The following PDE7B variants were observed in gnomAD, a reference collection of about 807,000 sequenced individuals.
PDE7B encodes 3',5'-cyclic-AMP phosphodiesterase 7B.
PDE7B carries 29 observed loss-of-function variants against 56.2 expected under a neutral mutation model. The ratio of observed to expected loss-of-function variants is 0.52; its 90% CI spans 0.38 to 0.70. The LOEUF is 0.70. PDE7B is among the 30% of genes least tolerant of loss of function. The pLI is 0.00. For synonymous variants in PDE7B, 197 were observed against 196.9 expected, an observed-to-expected ratio of 1.00 and a Z score of 0.00; for missense variants, 490 against 565.0, an observed-to-expected ratio of 0.87 and a Z score of 1.35.
rs566053949 is a variant in PDE7B, at chr6:135,977,099, G to A, written c.82+29575G>A. On this transcript the variant is annotated intron_variant, in intron 2 of 12. Coordinates refer to ENST00000308191, the MANE Select transcript of PDE7B (RefSeq NM_018945.4). ...GTGAGATGAGACCAGCCAAGCAGAA[G>A]CATTGGCCCTTTATAGCAAGAAGCC... 6.3e-4 allele frequency among the ~76,000 whole-genome samples: 96 copies of A among 152,238 alleles called. 1 individual carries two copies. The highest frequency in any genetic ancestry group is 1.9e-4 in the Non-Finnish European group (13 of 68,010).
At chr6:135,935,727 G>A (rs148093623) in intron 1 of PDE7B, among the ~76,000 whole-genome samples, 224 of 152,316 alleles carry the variant, frequency 1.5e-3, no homozygotes, top group Non-Finnish European at 2.4e-3. Flanking sequence ...ATGACTGTTA[G>A]CAAAATACAC....
At chr6:136,024,764 G>A (rs1583834507) in intron 2 of PDE7B, among the ~76,000 whole-genome samples, 1 of 152,136 alleles carries the variant, frequency 6.6e-6, no homozygotes, top group Admixed American at 6.5e-5. Flanking sequence ...AAGCAGTTTT[G>A]TTTTGTTGTA....
intron 2 of PDE7B, among the ~76,000 whole-genome samples, chr6:136,036,676 G>A (rs1776330003): frequency 6.6e-6 from 1 of 152,108 alleles, no homozygotes; most frequent in Non-Finnish European, 1.5e-5. Context: ...CTCCCATGAA[G>A]AAATATCAAA....
At chr6:136,179,448 C>T (rs554292676) in intron 10 of PDE7B, among the ~76,000 whole-genome samples, 2 of 152,246 alleles carry the variant, frequency 1.3e-5, no homozygotes, top group South Asian at 4.2e-4. Flanking sequence ...AGAGCAGTGA[C>T]CTATTTTAGT....
At chr6:135,973,032 G>A (rs560597900) in intron 2 of PDE7B, among the ~76,000 whole-genome samples, 38 of 152,258 alleles carry the variant, frequency 2.5e-4, no homozygotes, top group African/African-American at 7.0e-4. Flanking sequence ...TGTATATACA[G>A]CATTATTGAC....
At chr6:135,928,473 A>ATATATATT (rs1562442865) in intron 1 of PDE7B, among the ~76,000 whole-genome samples, 99 of 114,318 alleles carry the variant, frequency 8.7e-4, no homozygotes, top group Non-Finnish European at 1.5e-3. Flanking sequence ...ATTTATTTAT[A>ATATATATT]TATATATATT....
chr6:136,124,653 GA>G (rs1777991292), intron 3 of PDE7B, among the ~76,000 whole-genome samples: 1 of 152,110 alleles, frequency 6.6e-6, no homozygotes, highest in South Asian at 2.1e-4. Flanking sequence ...GTTCCACAAG[GA>G]AAAGGACTTT....
chr6:136,048,389 G>A (rs1453055844), intron 2 of PDE7B, among the ~76,000 whole-genome samples: 1 of 152,096 alleles, frequency 6.6e-6, no homozygotes, highest in Non-Finnish European at 1.5e-5. Flanking sequence ...AGGCGTGGTG[G>A]TGGGTGCCTG....
At chr6:135,969,179 A>C (rs1775050279) in intron 2 of PDE7B, among the ~76,000 whole-genome samples, 2 of 152,110 alleles carry the variant, frequency 1.3e-5, no homozygotes, top group African/African-American at 4.8e-5. Flanking sequence ...GGAGATCATC[A>C]GGATAAACAG....
At chr6:135,949,489 C>T (rs1774658656) in intron 2 of PDE7B, among the ~76,000 whole-genome samples, 1 of 152,026 alleles carries the variant, frequency 6.6e-6, no homozygotes, top group Non-Finnish European at 1.5e-5. Flanking sequence ...ATTAGAAATG[C>T]ATTTATATAA....
At chr6:135,908,624 A>G (rs2128193330) in intron 1 of PDE7B, among the ~76,000 whole-genome samples, 1 of 152,336 alleles carries the variant, frequency 6.6e-6, no homozygotes, top group Admixed American at 6.5e-5. Context: ...TTATATTCAC[A>G]CATTAGAGTA....
At chr6:135,918,658 G>T (rs1774004715) in intron 1 of PDE7B, among the ~76,000 whole-genome samples, 1 of 151,868 alleles carries the variant, frequency 6.6e-6, no homozygotes, top group African/African-American at 2.4e-5. Context: ...AAAAATATTT[G>T]GAATTTCAAT....
At chr6:136,089,254 C>G (rs1434563838) in intron 2 of PDE7B, among the ~76,000 whole-genome samples, 1 of 152,188 alleles carries the variant, frequency 6.6e-6, no homozygotes, top group African/African-American at 2.4e-5. Context: ...AGGAGACTTT[C>G]AAGCTCTGTG....
At chr6:136,155,880 T>G (rs1263749912) in intron 8 of PDE7B, 122 bp downstream of exon 8, 1 of 1,048,376 alleles carries the variant, frequency 9.5e-7, no homozygotes, top group Non-Finnish European at 1.5e-6. Context: ...CAAAGACGAA[T>G]GAAACACAAT....
intron 1 of PDE7B, among the ~76,000 whole-genome samples, chr6:135,857,009 C>T: frequency 6.7e-6 from 1 of 149,888 alleles, no homozygotes; most frequent in South Asian, 2.1e-4. Flanking sequence ...TTTCCTTCTG[C>T]CCTCTTACTC....
chr6:135,925,401 C>CA (rs1370825481), intron 1 of PDE7B, among the ~76,000 whole-genome samples: 3 of 152,164 alleles, frequency 2.0e-5, no homozygotes, highest in Non-Finnish European at 4.4e-5. Flanking sequence ...AAATTTATTT[C>CA]ATTGCTGACA....
chr6:135,886,173 TTTTAAGGACACC>T (rs1775706018), intron 1 of PDE7B, among the ~76,000 whole-genome samples: 1 of 152,154 alleles, frequency 6.6e-6, no homozygotes, highest in Non-Finnish European at 1.5e-5. Context: ...CGTTGAGTGC[TTTTAAGGACACC>T]ATAAGGTGTC....
At chr6:135,921,176 A>G (rs1774073228) in intron 1 of PDE7B, among the ~76,000 whole-genome samples, 2 of 152,156 alleles carry the variant, frequency 1.3e-5, no homozygotes, top group African/African-American at 2.4e-5. Context: ...CTTGGATAAC[A>G]GGCTATTTCC....
At chr6:135,957,753 C>T (rs1292092615) in intron 2 of PDE7B, among the ~76,000 whole-genome samples, 1 of 152,000 alleles carries the variant, frequency 6.6e-6, no homozygotes, top group Non-Finnish European at 1.5e-5. Context: ...ATATATTCAC[C>T]CCTAACATTC....
Sources: gnomAD v4.1 joint callset for allele counts (sites outside exome capture counted in the v4.1 genomes callset) on GRCh38, gnomAD v4.1.1 for gene constraint, MANE v1.5 for transcripts, NCBI Gene and HGNC (gene_info 2026-07-23, HGNC 2026-07-21) for gene names.